EFNA5: variants seen among roughly 807,000 people sequenced by gnomAD.
The protein encoded by EFNA5 is ephrin A5.
In EFNA5, 5 loss-of-function variants were observed where a neutral mutation model predicts 22.9. That is an observed-to-expected ratio of 0.22 (90% CI 0.11 to 0.46). EFNA5 has a LOEUF of 0.46. Among genes scored for constraint, EFNA5 ranks in the 20% least tolerant of loss-of-function variants. EFNA5 has a pLI of 0.99. For missense variants in EFNA5, 237 were observed against 293.3 expected, an observed-to-expected ratio of 0.81 and a Z score of 1.40; for synonymous variants, 113 against 112.2, an observed-to-expected ratio of 1.01 and a Z score of -0.04.
At chr5:107,387,662 T>G (rs1747664324) in intron 3 of EFNA5, 44 bp downstream of exon 3, 7 of 1,433,790 alleles carry the variant, frequency 4.9e-6, no homozygotes, top group East Asian at 4.6e-5. Context: ...CAATAAAGCA[T>G]GCGCGGTGAA....
At chr5:107,492,646 G>A (rs373471001) in intron 1 of EFNA5, among the ~76,000 whole-genome samples, 1 of 152,066 alleles carries the variant, frequency 6.6e-6, no homozygotes, top group Non-Finnish European at 1.5e-5. Context: ...GCCACCAGAC[G>A]CCACCAGAAC....
chr5:107,509,036 T>C (rs938562225), intron 1 of EFNA5, among the ~76,000 whole-genome samples: 15 of 152,222 alleles, frequency 9.9e-5, no homozygotes, highest in African/African-American at 2.9e-4. Context: ...GGTTTCAAAG[T>C]TGCATTTGGA....
At chr5:107,513,105 C>T (rs527882284) in intron 1 of EFNA5, among the ~76,000 whole-genome samples, 1 of 152,288 alleles carries the variant, frequency 6.6e-6, no homozygotes, top group Admixed American at 6.5e-5. Flanking sequence ...ATTTGTGCTT[C>T]CCTGGCTGCC....
At chr5:107,395,021 A>C (rs1747882426) in intron 2 of EFNA5, among the ~76,000 whole-genome samples, 1 of 77,266 alleles carries the variant, frequency 1.3e-5, no homozygotes, top group Non-Finnish European at 2.8e-5. Flanking sequence ...CCTTATAAGA[A>C]GGATTTCTAG....
At chr5:107,584,838 A>AT (rs1460103289) in intron 1 of EFNA5, among the ~76,000 whole-genome samples, 1 of 152,222 alleles carries the variant, frequency 6.6e-6, no homozygotes, top group Admixed American at 6.5e-5. Context: ...GAGGCTCCAT[A>AT]TAAAGAATGT....
chr5:107,645,566 C>T (rs2112548262), intron 1 of EFNA5, among the ~76,000 whole-genome samples: 1 of 152,190 alleles, frequency 6.6e-6, no homozygotes, highest in African/African-American at 2.4e-5. Context: ...TTAAATTTAC[C>T]CTAAAACACC....
intron 1 of EFNA5, among the ~76,000 whole-genome samples, chr5:107,431,262 G>A (rs893395901): frequency 2.0e-5 from 3 of 152,098 alleles, no homozygotes; most frequent in Admixed American, 6.6e-5. Context: ...GCTATATAAC[G>A]TACTCAAGTA....
intron 1 of EFNA5, among the ~76,000 whole-genome samples, chr5:107,472,544 A>G (rs1750167594): frequency 6.6e-6 from 1 of 152,188 alleles, no homozygotes; most frequent in African/African-American, 2.4e-5. Flanking sequence ...CAGCTTTCAT[A>G]TTAAAACTAT....
At chr5:107,522,039 G>C (rs1225287937) in intron 1 of EFNA5, among the ~76,000 whole-genome samples, 1 of 152,078 alleles carries the variant, frequency 6.6e-6, no homozygotes, top group Non-Finnish European at 1.5e-5. Flanking sequence ...TCATCCTCAT[G>C]CACCTAACAA....
At chr5:107,386,437 T>C (rs1021215046) in intron 4 of EFNA5, among the ~76,000 whole-genome samples, 1 of 152,202 alleles carries the variant, frequency 6.6e-6, no homozygotes, top group African/African-American at 2.4e-5. Flanking sequence ...CGAATGGATA[T>C]TTACAGGTTC....
chr5:107,477,930 G>A (rs906626151), intron 1 of EFNA5, among the ~76,000 whole-genome samples: 1 of 151,962 alleles, frequency 6.6e-6, no homozygotes, highest in Non-Finnish European at 1.5e-5. Flanking sequence ...TCAATCAGAG[G>A]CTGATATTTA....
At position 107,670,816 on chromosome 5, in the gene EFNA5, G is replaced by C. The variant is rs1160062582; in HGVS notation, c.-203C>G. The C allele has an allele frequency of 1.6e-6, 1 of 644,298 alleles. No individual in the cohort carries two copies. The highest frequency in any genetic ancestry group is 1.8e-5 in the African/African-American group (1 of 54,190). The allele number at this position is 644,298 out of a possible 1,614,324, so 39.9% of individuals were successfully genotyped here. A position where few individuals can be genotyped will look rare whatever the true frequency, so the allele number is the denominator to read the frequency against. On this transcript the variant is annotated 5_prime_UTR_variant, in exon 1 of 5. Transcript: ENST00000333274. ...AGAGCGAGAAGAAAAGAAGGCGGTGGGATGGGGGGTGATAAAGACAAACTC... is the reference window on the plus strand; with the variant it reads ...AGAGCGAGAAGAAAAGAAGGCGGTGCGATGGGGGGTGATAAAGACAAACTC...
At chr5:107,517,983 T>C (rs1010764449) in intron 1 of EFNA5, among the ~76,000 whole-genome samples, 4 of 152,156 alleles carry the variant, frequency 2.6e-5, no homozygotes, top group African/African-American at 9.7e-5. Flanking sequence ...GGATCCAAAC[T>C]ATATATGCAA....
At chr5:107,401,658 G>A (rs1748087469) in intron 2 of EFNA5, among the ~76,000 whole-genome samples, 1 of 152,142 alleles carries the variant, frequency 6.6e-6, no homozygotes, top group Non-Finnish European at 1.5e-5. Context: ...CAGGGCTGTA[G>A]GAAGATGAGA....
chr5:107,490,992 G>A (rs1189276778), intron 1 of EFNA5, among the ~76,000 whole-genome samples: 1 of 152,106 alleles, frequency 6.6e-6, no homozygotes, highest in Non-Finnish European at 1.5e-5. Flanking sequence ...AGCAAACTGG[G>A]TTCCATACTT....
chr5:107,600,617 G>A (rs1231429978), intron 1 of EFNA5, among the ~76,000 whole-genome samples: 1 of 151,828 alleles, frequency 6.6e-6, no homozygotes, highest in Non-Finnish European at 1.5e-5. Context: ...CTCCCGAGTA[G>A]CTGGGATTAC....
intron 1 of EFNA5, among the ~76,000 whole-genome samples, chr5:107,449,262 A>G (rs1490524481): frequency 2.0e-5 from 3 of 152,126 alleles, no homozygotes; most frequent in Admixed American, 2.0e-4. Flanking sequence ...CTATAACCAA[A>G]TGGCTAAAGC....
chr5:107,429,783 A>G (rs1394079540), intron 1 of EFNA5, among the ~76,000 whole-genome samples: 1 of 152,242 alleles, frequency 6.6e-6, no homozygotes, highest in Non-Finnish European at 1.5e-5. Flanking sequence ...ATACCAAAGC[A>G]TATTAAAATA....
At chr5:107,427,665 T>G (rs940580578) in intron 1 of EFNA5, among the ~76,000 whole-genome samples, 156 bp from the exon 2 acceptor site, 1 of 152,024 alleles carries the variant, frequency 6.6e-6, no homozygotes, top group Non-Finnish European at 1.5e-5. Context: ...GTTTGAAATG[T>G]TGCAGTTCCC....
Sources: gnomAD v4.1 joint callset for allele counts (sites outside exome capture counted in the v4.1 genomes callset) on GRCh38, gnomAD v4.1.1 for gene constraint, MANE v1.5 for transcripts, NCBI Gene and HGNC (gene_info 2026-07-23, HGNC 2026-07-21) for gene names.